Variants in ROS1 observed in about 807,000 individuals in gnomAD.
The protein encoded by ROS1 is proto-oncogene tyrosine-protein kinase ROS.
Under a neutral mutation model 273.5 loss-of-function variants are expected in ROS1, and 263 were observed. The ratio of observed to expected loss-of-function variants is 0.96; its 90% confidence interval spans 0.87 to 1.06. The LOEUF (loss-of-function observed/expected upper bound fraction) is 1.06, where lower values mean the gene tolerates loss of function less well. ROS1 is among the 50% of genes least tolerant of loss of function. The pLI, the probability that ROS1 is intolerant of heterozygous loss-of-function variation, is 0.00. For missense variants in ROS1, 2,833 were observed against 2,751.1 expected (o/e 1.03, Z -0.67); for synonymous variants, 1,008 against 954.1 (o/e 1.06, Z -1.04).
At chr6:117,292,216 C>T (rs1293969497) in intron 43 of ROS1, among the ~76,000 whole-genome samples, 3 of 152,014 alleles carry the variant, frequency 2.0e-5, no homozygotes, top group Admixed American at 1.3e-4. Context: ...GTGATCTGCC[C>T]GCCTTGGCCT....
Position 117,357,845 on chromosome 6 carries a change from C to G in ROS1, c.3798G>C (p.Arg1266Ser). The G allele has an allele frequency of 6.2e-7, 1 of 1,612,908 alleles. No homozygotes were observed. Reference sequence around the variant, plus strand: ...CAGAAAAAGAAATTATTGTTGAATTCCTATTGTGAATCTTCACCTCTCTGG... The same window carrying G: ...CAGAAAAAGAAATTATTGTTGAATTGCTATTGTGAATCTTCACCTCTCTGG... ...KYPREVKIHN[R>S]NSTIISFSVY... The change falls in exon 25 of 44, where the codon AGG becomes AGC. Residue 1266 changes from arginine (R) to serine (S), a missense_variant. Arg to Ser is a moderately radical substitution (Grantham distance 110, BLOSUM62 -1). Transcript: ENST00000368507.
Position 117,310,144 on chromosome 6 carries a change from GGGA to G in ROS1, c.6350_6352del (p.Leu2117del). 1 of 1,613,462 alleles carries G rather than the reference GGGA, an allele frequency of 6.2e-7. No homozygotes were observed. Among genetic ancestry groups the G allele is most frequent in the Non-Finnish European group, 8.5e-7 (1 of 1,179,644 alleles). The stretch of plus-strand genomic sequence containing the variant: ...ACTTTCTGGAGCCATCCACCGAACT[GGGA>G]GCAGGCCTTCCCCTCTCTTTCTATA... On this transcript the variant is annotated inframe_deletion, in exon 41 of 44. Coordinates refer to ENST00000368507, the MANE Select transcript of ROS1 (RefSeq NM_001378902.1).
intron 43 of ROS1, among the ~76,000 whole-genome samples, chr6:117,297,732 A>G (rs539989991): frequency 6.6e-6 from 1 of 152,332 alleles, no homozygotes; most frequent in South Asian, 2.1e-4. Context: ...GATGTTGGCG[A>G]GGATGCAGAC....
chr6:117,289,353 T>C (rs376276321), intron 43 of ROS1, among the ~76,000 whole-genome samples: 2 of 152,358 alleles, frequency 1.3e-5, no homozygotes, highest in East Asian at 3.9e-4. Context: ...TAGCAATGAA[T>C]GAAAAACATT....
At chr6:117,399,688 C>T (rs1189386053) in intron 7 of ROS1, among the ~76,000 whole-genome samples, 3 of 152,228 alleles carry the variant, frequency 2.0e-5, no homozygotes, top group East Asian at 1.9e-4. Context: ...CCCCAGCATT[C>T]GCCTTCCTCT....
In ROS1 at chr6:117,287,446, T is replaced by C. The variant is rs1773520987; in HGVS notation, c.*1046A>G. On this transcript the variant is annotated 3_prime_UTR_variant, in exon 44 of 44. Coordinates refer to ENST00000368507, the MANE Select transcript of ROS1 (RefSeq NM_001378902.1). ...TTATACATAAAATAGATATGGCAAA[T>C]AGCAATCTTTATACTAGTTAATTTC... Among the ~76,000 whole-genome samples the C allele has an allele frequency of 1.3e-5, 2 of 152,190 alleles. No homozygotes were observed. The highest frequency in any genetic ancestry group is 1.3e-4 in the Admixed American group (2 of 15,288).
Position 117,326,334 on chromosome 6 carries a change from GTGCAAACACTAC to G in ROS1, c.5417_5428del (p.Ser1806_Cys1809del), listed in dbSNP as rs752509187. On this transcript the variant is annotated inframe_deletion, in exon 34 of 44. Coordinates refer to ENST00000368507, the MANE Select transcript of ROS1 (RefSeq NM_001378902.1). ...TCCTTTCAGGTTTTTGGACTTCCAT[GTGCAAACACTAC>G]TGCAGGATCCATTAAATGTCATCTT... 9.4e-6 allele frequency: 15 copies of G among 1,601,246 alleles called. No homozygotes were observed. The South Asian group carries it at 1.4e-4, about 14-fold the overall frequency.
At chr6:117,406,382 G>A (rs1436120437) in intron 5 of ROS1, among the ~76,000 whole-genome samples, 6 of 152,002 alleles carry the variant, frequency 3.9e-5, no homozygotes, top group Non-Finnish European at 8.8e-5. Context: ...AGACAAATAA[G>A]GTCTTAGGAT....
rs76360974 is a variant in ROS1, at chr6:117,361,312, A to G, written c.3367-907T>C. On this transcript the variant is annotated intron_variant, in intron 22 of 43. Coordinates refer to ENST00000368507, the MANE Select transcript of ROS1 (RefSeq NM_001378902.1). Reference sequence around the variant, plus strand: ...CTATAATGGTGGACTCAAAATATAAAGCCCCAAGTACTTTATCAACAAAAC... The same window carrying G: ...CTATAATGGTGGACTCAAAATATAAGGCCCCAAGTACTTTATCAACAAAAC... Among the ~76,000 whole-genome samples the G allele has an allele frequency of 2.4e-3, 361 of 152,016 alleles. 3 individuals carry two copies. In the East Asian group the frequency reaches 0.029, roughly 12 times the overall value.
rs758528044 is a variant in ROS1 at position 117,403,290 on chromosome 6, G to T, written c.466-13C>A. 2 of 1,610,082 alleles carry T rather than the reference G, an allele frequency of 1.2e-6. No homozygotes were observed. The highest frequency in any genetic ancestry group is 2.2e-5 in the South Asian group (2 of 89,844). On this transcript the variant is annotated splice_polypyrimidine_tract_variant and intron_variant, in intron 6 of 43. Coordinates refer to ENST00000368507, the MANE Select transcript of ROS1 (RefSeq NM_001378902.1). Reference sequence around the variant, plus strand: ...GTCTGGACACAGTCTAGATCAAGGAGTGATCAATCATCAGCATTATAGAAT... The same window carrying T: ...GTCTGGACACAGTCTAGATCAAGGATTGATCAATCATCAGCATTATAGAAT...
rs2128545855 is a variant in ROS1, at chr6:117,308,790, T to A, written c.6551+4A>T. The A allele has an allele frequency of 6.2e-7, 1 of 1,612,100 alleles. No individual in the cohort carries two copies. Among genetic ancestry groups the A allele is most frequent in the Non-Finnish European group, 8.5e-7 (1 of 1,179,138 alleles). ...GGATACATATGTTAACATAATTAAC[T>A]TACAGATCATCAGGACAATTTCTTG... On this transcript the variant is annotated splice_donor_region_variant and intron_variant, in intron 42 of 43. Coordinates refer to ENST00000368507, the MANE Select transcript of ROS1 (RefSeq NM_001378902.1).
At chr6:117,319,386 A>G (rs1420137945) in intron 37 of ROS1, among the ~76,000 whole-genome samples, 2 of 152,298 alleles carry the variant, frequency 1.3e-5, no homozygotes, top group Non-Finnish European at 2.9e-5. Context: ...TATGAAAATA[A>G]TATAAAATTC....
intron 18 of ROS1, among the ~76,000 whole-genome samples, chr6:117,370,920 A>G (rs1780711270): frequency 6.6e-6 from 1 of 152,210 alleles, no homozygotes; most frequent in African/African-American, 2.4e-5. Context: ...AAATCCAAAC[A>G]TATTGATAAT....
At chr6:117,420,429 G>C (rs1775663113) in intron 1 of ROS1, among the ~76,000 whole-genome samples, 1 of 123,686 alleles carries the variant, frequency 8.1e-6, no homozygotes, top group Non-Finnish European at 1.7e-5. Context: ...AATAAATGTT[G>C]TGGGGTGGGG....
intron 40 of ROS1, among the ~76,000 whole-genome samples, chr6:117,310,684 C>T (rs557545823): frequency 5.8e-4 from 88 of 152,194 alleles, no homozygotes; most frequent in African/African-American, 2.0e-3. Flanking sequence ...TAATGGTTTC[C>T]AGCTTCATCC....
chr6:117,374,842 A>G (rs950996485), intron 18 of ROS1, among the ~76,000 whole-genome samples: 1 of 152,240 alleles, frequency 6.6e-6, no homozygotes, highest in Non-Finnish European at 1.5e-5. Flanking sequence ...ACACTCTTAC[A>G]CTGCTGATGG....
intron 7 of ROS1, among the ~76,000 whole-genome samples, chr6:117,401,523 G>A (rs562472631): frequency 6.6e-6 from 1 of 151,586 alleles, no homozygotes; most frequent in Admixed American, 6.6e-5. Flanking sequence ...GGCCGTTTTT[G>A]TTTTATCTTT....
chr6:117,383,150 GGC>G (rs201316966), intron 17 of ROS1, among the ~76,000 whole-genome samples, 165 bp downstream of exon 17: 12,592 of 145,600 alleles, frequency 0.086, 593 homozygotes, highest in Non-Finnish European at 0.099. Flanking sequence ...CATCAAATAA[GGC>G]GCTTTTTTTT....
At position 117,344,650 on chromosome 6, in the gene ROS1, C is replaced by T. The variant is rs141564525; in HGVS notation, c.4304-388G>A. Reference sequence around the variant, plus strand: ...CAGATGTGCTTATCACTGTGGCGCACCTCTGTCCTTCACCCTCCCCCAACC... The same window carrying T: ...CAGATGTGCTTATCACTGTGGCGCATCTCTGTCCTTCACCCTCCCCCAACC... On this transcript the variant is annotated intron_variant, in intron 27 of 43. Transcript: ENST00000368507. Among the ~76,000 whole-genome samples the T allele has an allele frequency of 8.9e-4, 136 of 152,282 alleles. 1 individual carries two copies. Among genetic ancestry groups the T allele is most frequent in the African/African-American group, 3.2e-3 (133 of 41,558 alleles).
Sources: gnomAD v4.1 joint callset for allele counts (sites outside exome capture counted in the v4.1 genomes callset) on GRCh38, gnomAD v4.1.1 for gene constraint, MANE v1.5 for transcripts, NCBI Gene and HGNC (gene_info 2026-07-23, HGNC 2026-07-21) for gene names.